MDGA2: variants seen among roughly 807,000 people sequenced by gnomAD.
MDGA2 encodes MAM domain-containing glycosylphosphatidylinositol anchor protein 2.
Under a neutral mutation model 117.8 loss-of-function variants are expected in MDGA2, and 40 were observed. The observed-to-expected ratio is 0.34, with a 90% CI of 0.26 to 0.44. The LOEUF is 0.44. Ranked by LOEUF, MDGA2 falls within the 20% of genes least tolerant of loss-of-function variation. MDGA2 has a pLI of 1.00. For missense variants in MDGA2, 1,123 were observed against 1,250.6 expected, an observed-to-expected ratio of 0.90 and a Z score of 1.54; for synonymous variants, 452 against 439.0, an observed-to-expected ratio of 1.03 and a Z score of -0.37.
At chr14:47,156,887 A>G (rs138145607) in intron 3 of MDGA2, among the ~76,000 whole-genome samples, 1,582 of 152,356 alleles carry the variant, frequency 0.01, 29 homozygotes, top group African/African-American at 0.037. Context: ...AATTTATATT[A>G]CTAATACAAC....
intron 1 of MDGA2, among the ~76,000 whole-genome samples, chr14:47,565,535 A>AGTG (rs1895900850): frequency 6.6e-6 from 1 of 152,166 alleles, no homozygotes; most frequent in East Asian, 1.9e-4. Context: ...CGCATTCCCA[A>AGTG]ACCGTTGGTC....
intron 1 of MDGA2, among the ~76,000 whole-genome samples, chr14:47,509,162 C>G (rs1025764668): frequency 1.3e-5 from 2 of 152,104 alleles, no homozygotes; most frequent in African/African-American, 4.8e-5. Context: ...ACAGACATGT[C>G]TAGATGACAG....
At chr14:47,534,287 A>T (rs1255994049) in intron 1 of MDGA2, among the ~76,000 whole-genome samples, 1 of 152,226 alleles carries the variant, frequency 6.6e-6, no homozygotes, top group East Asian at 1.9e-4. Context: ...CTTCAATAAA[A>T]GATCAAGTAA....
intron 2 of MDGA2, among the ~76,000 whole-genome samples, chr14:47,281,110 A>G (rs1888474718): frequency 6.7e-6 from 1 of 149,732 alleles, no homozygotes; most frequent in Non-Finnish European, 1.5e-5. Flanking sequence ...GCTATGAAAT[A>G]ATAATTTAAT....
chr14:47,320,429 C>G (rs1172258597), intron 1 of MDGA2, among the ~76,000 whole-genome samples: 1 of 152,074 alleles, frequency 6.6e-6, no homozygotes, highest in Non-Finnish European at 1.5e-5. Context: ...TACAGTTTGG[C>G]ATTTCTCCCT....
intron 2 of MDGA2, among the ~76,000 whole-genome samples, chr14:47,231,592 T>C (rs1358500595): frequency 3.9e-5 from 6 of 152,046 alleles, no homozygotes; most frequent in Non-Finnish European, 8.8e-5. Context: ...AAGTTTCCTA[T>C]ACATATTATA....
At chr14:47,215,029 G>A (rs1886034189) in intron 3 of MDGA2, among the ~76,000 whole-genome samples, 1 of 152,080 alleles carries the variant, frequency 6.6e-6, no homozygotes, top group South Asian at 2.1e-4. Flanking sequence ...AGTTTTTACT[G>A]CTGATTTTGC....
chr14:47,607,064 T>C (rs1016324602), intron 1 of MDGA2, among the ~76,000 whole-genome samples: 1 of 152,192 alleles, frequency 6.6e-6, no homozygotes, highest in Admixed American at 6.6e-5. Flanking sequence ...GATTATTTGG[T>C]CAATGACTAG....
At chr14:47,357,377 G>C (rs989620623) in intron 1 of MDGA2, among the ~76,000 whole-genome samples, 2 of 152,212 alleles carry the variant, frequency 1.3e-5, no homozygotes, top group Non-Finnish European at 2.9e-5. Flanking sequence ...CTAACACAGG[G>C]AGGCTCTCGA....
chr14:47,377,267 A>T (rs944096714), intron 1 of MDGA2, among the ~76,000 whole-genome samples: 1 of 152,192 alleles, frequency 6.6e-6, no homozygotes. Context: ...GGCCAAATAG[A>T]AACAGCTCCA....
chr14:47,063,489 T>C (rs1177864687), intron 6 of MDGA2, among the ~76,000 whole-genome samples: 1 of 151,988 alleles, frequency 6.6e-6, no homozygotes, highest in African/African-American at 2.4e-5. Context: ...TGTCCATATC[T>C]GGCTGCCATA....
At chr14:47,374,959 T>A (rs1227988946) in intron 1 of MDGA2, among the ~76,000 whole-genome samples, 1 of 152,022 alleles carries the variant, frequency 6.6e-6, no homozygotes, top group Non-Finnish European at 1.5e-5. Flanking sequence ...TTTCAAAGAT[T>A]TTTTTCAGTG....
chr14:47,101,122 T>TAGATAGATAGATAGATAGAC (rs1390622376), intron 5 of MDGA2, among the ~76,000 whole-genome samples: 6 of 94,742 alleles, frequency 6.3e-5, no homozygotes, highest in Non-Finnish European at 2.3e-5. Context: ...GATAGATAGA[T>TAGATAGATAGATAGATAGAC]AGACAGATAG....
intron 9 of MDGA2, among the ~76,000 whole-genome samples, chr14:46,927,863 C>A (rs879562429): frequency 6.6e-6 from 1 of 152,178 alleles, no homozygotes; most frequent in Non-Finnish European, 1.5e-5. Context: ...CTGTACACAT[C>A]ACATTAAGGC....
At chr14:47,492,376 T>G (rs10083339) in intron 1 of MDGA2, among the ~76,000 whole-genome samples, 113,282 of 151,906 alleles carry the variant, frequency 0.75, 42,744 homozygotes, top group East Asian at 1. Flanking sequence ...GTTCAATCTT[T>G]GTTCTGCAGA....
chr14:47,332,957 T>C (rs963730595), intron 1 of MDGA2, among the ~76,000 whole-genome samples: 10 of 151,984 alleles, frequency 6.6e-5, no homozygotes, highest in Non-Finnish European at 1.3e-4. Context: ...GTTCCATCCA[T>C]GTTGCTGCAA....
chr14:46,922,173 A>G (rs572135647), intron 9 of MDGA2, among the ~76,000 whole-genome samples: 1 of 152,334 alleles, frequency 6.6e-6, no homozygotes, highest in Non-Finnish European at 1.5e-5. Flanking sequence ...GTTAACAGAT[A>G]CATGAAATAA....
At chr14:47,161,155 C>T (rs1469464431) in intron 3 of MDGA2, among the ~76,000 whole-genome samples, 1 of 151,988 alleles carries the variant, frequency 6.6e-6, no homozygotes, top group Non-Finnish European at 1.5e-5. Flanking sequence ...TCAGCTTTTA[C>T]TTTACTAATG....
intron 3 of MDGA2, among the ~76,000 whole-genome samples, chr14:47,174,960 A>G (rs1278709376): frequency 1.3e-5 from 2 of 152,198 alleles, no homozygotes; most frequent in African/African-American, 4.8e-5. Context: ...AAAATGATAA[A>G]GGGGATATCA....
Sources: gnomAD v4.1 joint callset for allele counts (sites outside exome capture counted in the v4.1 genomes callset) on GRCh38, gnomAD v4.1.1 for gene constraint, MANE v1.5 for transcripts, NCBI Gene and HGNC (gene_info 2026-07-23, HGNC 2026-07-21) for gene names.